GLRA3: variants seen among roughly 807,000 people sequenced by gnomAD.
GLRA3 encodes the protein glycine receptor subunit alpha-3.
Under a neutral mutation model 60.4 loss-of-function variants are expected in GLRA3, and 44 were observed. The ratio of observed to expected loss-of-function variants is 0.73; its 90% CI spans 0.57 to 0.94. The LOEUF (loss-of-function observed/expected upper bound fraction) is 0.94, where lower values mean the gene tolerates loss of function less well. Among genes scored for constraint, GLRA3 ranks in the 40% least tolerant of loss-of-function variants. The probability of loss-of-function intolerance (pLI) is 0.00; values close to 1 mark genes in which losing one functional copy is unlikely to be tolerated. For missense variants in GLRA3, 508 were observed against 564.6 expected (o/e 0.90, Z 1.02); for synonymous variants, 223 against 192.9 (o/e 1.16, Z -1.29).
intron 1 of GLRA3, among the ~76,000 whole-genome samples, chr4:174,819,904 C>A (rs1489404888): frequency 1.3e-5 from 2 of 151,956 alleles, no homozygotes; most frequent in Non-Finnish European, 2.9e-5. Flanking sequence ...TTTAGTTATG[C>A]TTTCTCTTTT....
At chr4:174,754,431 G>T (rs1409478170) in intron 3 of GLRA3, among the ~76,000 whole-genome samples, 1 of 152,098 alleles carries the variant, frequency 6.6e-6, no homozygotes, top group East Asian at 1.9e-4. Context: ...AAAAAAAAGA[G>T]AAGGAGGATA....
intron 3 of GLRA3, among the ~76,000 whole-genome samples, chr4:174,762,084 T>C (rs1459206137): frequency 6.6e-6 from 1 of 152,190 alleles, no homozygotes; most frequent in Non-Finnish European, 1.5e-5. Flanking sequence ...GTAAAAAATA[T>C]GTGCAGTCAA....
intron 3 of GLRA3, among the ~76,000 whole-genome samples, chr4:174,737,758 C>T (rs908082563): frequency 6.6e-5 from 10 of 152,176 alleles, no homozygotes; most frequent in Non-Finnish European, 1.2e-4. Flanking sequence ...CAGATCCGCA[C>T]GCCTCGATCT....
intron 5 of GLRA3, among the ~76,000 whole-genome samples, chr4:174,695,074 C>A (rs915496202): frequency 5.9e-5 from 9 of 151,942 alleles, no homozygotes; most frequent in African/African-American, 2.2e-4. Context: ...AAAATTGAAT[C>A]AGTAATAAAT....
At position 174,637,241 on chromosome 4, in the gene GLRA3, A is replaced by T. The variant is rs1472571370; in HGVS notation, c.*6545T>A. 1 of 152,154 alleles carries T rather than the reference A, an allele frequency of 6.6e-6. No individual in the cohort carries two copies. The highest frequency in any genetic ancestry group is 1.5e-5 in the Non-Finnish European group (1 of 68,030). The allele number at this position is 152,154 out of a possible 1,614,324, so 9.4% of individuals were successfully genotyped here. On this transcript the variant is annotated 3_prime_UTR_variant, in exon 10 of 10. Transcript: ENST00000274093. ...TACTTCTTTTGGTAGTCCTTTAAAC[A>T]ACTTGACTCACTAATAATGAAGTCA...
At chr4:174,721,967 T>G (rs1354939522) in intron 4 of GLRA3, among the ~76,000 whole-genome samples, 1 of 152,006 alleles carries the variant, frequency 6.6e-6, no homozygotes, top group Non-Finnish European at 1.5e-5. Flanking sequence ...AGAAAAGATC[T>G]ACAGATTCTG....
At chr4:174,758,043 GTAATCTCCTCAT>G (rs1737788553) in intron 3 of GLRA3, among the ~76,000 whole-genome samples, 1 of 151,980 alleles carries the variant, frequency 6.6e-6, no homozygotes, top group Non-Finnish European at 1.5e-5. Context: ...CTCTCGTCCT[GTAATCTCCTCAT>G]GCTGGCTCCT....
chr4:174,722,033 A>C (rs766552563), intron 4 of GLRA3, among the ~76,000 whole-genome samples: 2 of 152,126 alleles, frequency 1.3e-5, no homozygotes, highest in Non-Finnish European at 2.9e-5. Flanking sequence ...TATAAGGTAT[A>C]ATCTATCTGT....
At chr4:174,748,603 T>A (rs1325284717) in intron 3 of GLRA3, among the ~76,000 whole-genome samples, 2 of 152,118 alleles carry the variant, frequency 1.3e-5, no homozygotes, top group Non-Finnish European at 2.9e-5. Context: ...TGGGAACTAA[T>A]CTTATATAAA....
chr4:174,742,177 A>G (rs1023681062), intron 3 of GLRA3, among the ~76,000 whole-genome samples: 2 of 152,220 alleles, frequency 1.3e-5, no homozygotes, highest in African/African-American at 4.8e-5. Flanking sequence ...CTGACAAGCT[A>G]AAATTGAATC....
intron 2 of GLRA3, among the ~76,000 whole-genome samples, chr4:174,778,611 GGGTGCACGCACC>G (rs1190890162): frequency 1.3e-5 from 2 of 152,194 alleles, no homozygotes; most frequent in African/African-American, 2.4e-5. Context: ...GCAGGTCAGT[GGGTGCACGCACC>G]GTGCGCGAGC....
Position 174,726,340 on chromosome 4 carries a change from G to A in GLRA3, c.491+2135C>T, listed in dbSNP as rs73004554. ...CCTTTCCTGACACTATCTTGAGTTA[G>A]GTGTGATGGTACCTCAATACCACCT... On this transcript the variant is annotated intron_variant, in intron 4 of 9. Transcript: ENST00000274093. 2.2e-3 allele frequency among the ~76,000 whole-genome samples: 334 copies of A among 152,230 alleles called. 1 individual carries two copies. Among genetic ancestry groups the A allele is most frequent in the African/African-American group, 7.8e-3 (322 of 41,532 alleles).
chr4:174,642,974 ATTAAAAG>A lies in GLRA3; in HGVS notation c.*805_*811del, dbSNP rs1732668518. 1.2e-6 allele frequency: 1 copy of A among 853,380 alleles called. No homozygotes were observed. Among genetic ancestry groups the A allele is most frequent in the African/African-American group, 1.8e-5 (1 of 54,160 alleles). The allele number at this position is 853,380 out of a possible 1,614,324, so 52.9% of individuals were successfully genotyped here. ...CACAATCACATACAGTTAAGTAGCT[ATTAAAAG>A]TCTAACAAAAACAAGGGTGCTGGCT... On this transcript the variant is annotated 3_prime_UTR_variant, in exon 10 of 10. Coordinates refer to ENST00000274093, the MANE Select transcript of GLRA3 (RefSeq NM_006529.4).
intron 5 of GLRA3, among the ~76,000 whole-genome samples, chr4:174,714,216 C>T (rs1165783050): frequency 6.6e-6 from 1 of 152,202 alleles, no homozygotes; most frequent in Non-Finnish European, 1.5e-5. Context: ...TATGTTGAAC[C>T]ATTTTAGGGT....
chr4:174,671,107 T>C (rs1376526701), intron 7 of GLRA3, among the ~76,000 whole-genome samples: 3 of 152,240 alleles, frequency 2.0e-5, no homozygotes, highest in Admixed American at 1.3e-4. Context: ...TATCAAACAC[T>C]GTATCATAAA....
chr4:174,817,596 C>T (rs957488430), intron 1 of GLRA3, among the ~76,000 whole-genome samples: 1 of 152,056 alleles, frequency 6.6e-6, no homozygotes, highest in Non-Finnish European at 1.5e-5. Context: ...GATAATCTGG[C>T]ATTAAGGTTA....
At chr4:174,688,693 T>A (rs1354092855) in intron 5 of GLRA3, among the ~76,000 whole-genome samples, 2 of 150,672 alleles carry the variant, frequency 1.3e-5, no homozygotes, top group African/African-American at 4.9e-5. Flanking sequence ...GTCTCAACAT[T>A]GACTTATATG....
chr4:174,652,298 G>T (rs986985646), intron 9 of GLRA3, among the ~76,000 whole-genome samples: 2 of 151,912 alleles, frequency 1.3e-5, no homozygotes, highest in Non-Finnish European at 2.9e-5. Flanking sequence ...TGTCAAAAAA[G>T]CAAGGAATAA....
rs1438277090 is a variant in GLRA3 at position 174,788,737 on chromosome 4, CT to C, written c.199+78del. The C allele has an allele frequency of 2.4e-5, 21 of 893,364 alleles. No individual in the cohort carries two copies. In the East Asian group the frequency reaches 5.4e-4, roughly 23 times the overall value. The allele number at this position is 893,364 out of a possible 1,614,324, so 55.3% of individuals were successfully genotyped here. On this transcript the variant is annotated intron_variant, in intron 2 of 9. Coordinates refer to ENST00000274093, the MANE Select transcript of GLRA3 (RefSeq NM_006529.4). ...TTGTTGAAAATAAGCATTAGAATTT[CT>C]GGTGGAATTAATTTAAAACTGTACC...
Sources: allele counts gnomAD v4.1 joint callset (sites outside exome capture counted in the v4.1 genomes callset), GRCh38; gene constraint gnomAD v4.1.1; transcripts MANE v1.5; gene names NCBI Gene and HGNC (gene_info 2026-07-23, HGNC 2026-07-21).